MUC17: variants seen among roughly 807,000 people sequenced by gnomAD.
MUC17 encodes mucin-17.
In MUC17, 190 loss-of-function variants were observed where a neutral mutation model predicts 170.3. That is an observed-to-expected ratio of 1.12 (90% CI 0.99 to 1.26). MUC17 has a LOEUF of 1.26. MUC17 is among the 50% of genes most tolerant of loss of function. The pLI, the probability that MUC17 is intolerant of heterozygous loss-of-function variation, is 0.00. For synonymous variants in MUC17, 2,325 were observed against 2,002.5 expected (o/e 1.16, Z -4.30); for missense variants, 6,415 against 5,530.0 (o/e 1.16, Z -5.08).
chr7:101,034,471 G>A lies in MUC17; in HGVS notation c.3055G>A (p.Glu1019Lys). The A allele has an allele frequency of 1.2e-6, 2 of 1,609,296 alleles. No individual in the cohort carries two copies. The highest frequency in any genetic ancestry group is 8.5e-7 in the Non-Finnish European group (1 of 1,177,734). The change falls in exon 3 of 13, where the codon GAA (glutamate) becomes AAA (lysine). Residue 1019 changes from glutamate to lysine, a missense_variant. By Grantham distance (56) the Glu-to-Lys change is moderately conservative. Transcript: ENST00000306151. Reference sequence around the variant, plus strand: ...CAACACTCCTTTGACCACTTCTACTGAAGCCAGTTCACCTCCTCCCACTGC... The same window carrying A: ...CAACACTCCTTTGACCACTTCTACTAAAGCCAGTTCACCTCCTCCCACTGC... ...DSNTPLTTSTEASSPPPTAEG... is the reference protein window; with the variant it reads ...DSNTPLTTSTKASSPPPTAEG...
chr7:101,037,578 GC>G lies in MUC17; in HGVS notation c.6163del (p.Val2056TrpfsTer20). 6.2e-7 allele frequency: 1 copy of G among 1,613,092 alleles called. No individual in the cohort carries two copies. Among genetic ancestry groups the G allele is most frequent in the Non-Finnish European group, 8.5e-7 (1 of 1,179,652 alleles). ...TAGCAGGTATGCCTGTCAGCACTACGCTTGTGGTCAGTTCTGAGGGTAACAC... is the reference window on the plus strand; with the variant it reads ...TAGCAGGTATGCCTGTCAGCACTACGTTGTGGTCAGTTCTGAGGGTAACAC... ...PLAGMPVSTTLVVSSEGNTLS... is the reference protein window; with the variant it reads ...PLAGMPVSTTXVVSSEGNTLS... On this transcript the variant is annotated frameshift_variant, in exon 3 of 13. Coordinates refer to ENST00000306151, the MANE Select transcript of MUC17 (RefSeq NM_001040105.2). LOFTEE classifies it high-confidence loss of function.
At chr7:101,049,924 A>C (rs1043859726) in intron 6 of MUC17, among the ~76,000 whole-genome samples, 1 of 152,146 alleles carries the variant, frequency 6.6e-6, no homozygotes, top group South Asian at 2.1e-4. Context: ...TGAGGCCGGG[A>C]GCACAAGACC....
chr7:101,057,773 G>A (rs1315743624), intron 12 of MUC17, among the ~76,000 whole-genome samples: 1 of 152,156 alleles, frequency 6.6e-6, no homozygotes, highest in Non-Finnish European at 1.5e-5. Flanking sequence ...CTAGCTACTT[G>A]GGAGGCTGAG....
At chr7:101,047,355 C>G (rs777258593) in intron 3 of MUC17, among the ~76,000 whole-genome samples, 1 of 152,154 alleles carries the variant, frequency 6.6e-6, no homozygotes, top group Non-Finnish European at 1.5e-5. Context: ...CCAGGTTTCT[C>G]TTTCTTCACG....
In MUC17 at chr7:101,020,273, G is replaced by C. The variant is rs1382813410; in HGVS notation, c.82+56G>C. 3 of 1,478,484 alleles carry C rather than the reference G, an allele frequency of 2.0e-6. No individual in the cohort carries two copies. In the African/African-American group the frequency reaches 4.2e-5, roughly 21 times the overall value. 91.6% of individuals were successfully genotyped at this position (1,478,484 alleles called of 1,614,324 possible). On this transcript the variant is annotated intron_variant, in intron 1 of 12. Coordinates refer to ENST00000306151, the MANE Select transcript of MUC17 (RefSeq NM_001040105.2). ...AGGCCCCCATCCCAGGGGCCAGCCT[G>C]CTCTGTCTGCCCATCCCCGAGGGAG...
chr7:101,039,587 C>G lies in MUC17; in HGVS notation c.8171C>G (p.Thr2724Ser). ...TTPVDTSTPV[T>S]TSAEASSSPT... ...CCTGTTGACACCAGCACACCTGTCA[C>G]CACTTCTGCTGAAGCCAGTTCTTCT... Residue 2724 changes from threonine to serine, a missense_variant, in exon 3 of 13, where the codon ACC (threonine) becomes AGC (serine). Transcript: ENST00000306151. The G allele has an allele frequency of 3.7e-6, 6 of 1,612,638 alleles. No homozygotes were observed. The highest frequency in any genetic ancestry group is 4.2e-6 in the Non-Finnish European group (5 of 1,179,214).
In MUC17 at chr7:101,043,228, A is replaced by T. The variant is rs1325503561; in HGVS notation, c.11812A>T (p.Thr3938Ser). Residue 3938 changes from threonine (T) to serine (S), a missense_variant, in exon 3 of 13, where the codon ACC (threonine) becomes TCC (serine). Coordinates refer to ENST00000306151, the MANE Select transcript of MUC17 (RefSeq NM_001040105.2). ...VITEGSTPGT[T>S]IFIPSTPVTS... ...CACAGAAGGAAGCACACCTGGGACA[A>T]CCATTTTTATTCCCAGCACTCCTGT... 1 of 1,614,022 alleles carries T rather than the reference A, an allele frequency of 6.2e-7. No homozygotes were observed. The highest frequency in any genetic ancestry group is 8.5e-7 in the Non-Finnish European group (1 of 1,180,034).
At chr7:101,053,579 G>A in intron 11 of MUC17, 143 bp downstream of exon 11, 1 of 602,202 alleles carries the variant, frequency 1.7e-6, no homozygotes, top group Non-Finnish European at 2.9e-6. Flanking sequence ...ATCAGCCTGG[G>A]CAACAACACA....
intron 1 of MUC17, 41 bp downstream of exon 1, chr7:101,020,258 C>T (rs901699547): frequency 2.6e-6 from 4 of 1,535,146 alleles, no homozygotes; most frequent in African/African-American, 1.4e-5. Context: ...AGGCCCCCAT[C>T]CCAGGGGCCA....
chr7:101,043,847 T>C (rs2116461475), intron 3 of MUC17, 28 bp downstream of exon 3: 7 of 1,565,240 alleles, frequency 4.5e-6, no homozygotes, highest in East Asian at 2.3e-5. Flanking sequence ...TTTTCCTTTT[T>C]TTTAAAATTA....
chr7:101,047,076 G>A (rs367637744), intron 3 of MUC17, among the ~76,000 whole-genome samples: 7 of 128,854 alleles, frequency 5.4e-5, no homozygotes, highest in East Asian at 4.2e-4. Context: ...GCAAGACTCC[G>A]TCTCAAAAAA....
chr7:101,037,276 A>G lies in MUC17; in HGVS notation c.5860A>G (p.Arg1954Gly), dbSNP rs763583390. Reference sequence around the variant, plus strand: ...CCTTTCAACAACTCTTGCTGACACCAGGACACCTGTGACCACTTATTCTCA... The same window carrying G: ...CCTTTCAACAACTCTTGCTGACACCGGGACACCTGTGACCACTTATTCTCA... ...NTLSTTLADT[R>G]TPVTTYSQAS... is the part of the protein sequence containing the mutation. Residue 1954 changes from arginine to glycine, a missense_variant, in exon 3 of 13, where the codon AGG becomes GGG. By Grantham distance (125) the Arg-to-Gly change is moderately radical. Coordinates refer to ENST00000306151, the MANE Select transcript of MUC17 (RefSeq NM_001040105.2). 9.3e-6 allele frequency: 15 copies of G among 1,612,208 alleles called. No homozygotes were observed. The highest frequency in any genetic ancestry group is 1.2e-5 in the Non-Finnish European group (14 of 1,178,972).
intron 9 of MUC17, 86 bp downstream of exon 9, chr7:101,052,048 GAGACCAA>G: frequency 3.4e-6 from 5 of 1,486,124 alleles, no homozygotes; most frequent in South Asian, 1.3e-5. Context: ...GCATTGCCTG[GAGACCAA>G]GGTCATGGGA....
At position 101,032,051 on chromosome 7, in the gene MUC17, G is replaced by T. The variant is rs775993341; in HGVS notation, c.635G>T (p.Ser212Ile). The change falls in exon 3 of 13, where the codon AGT becomes ATT. Residue 212 changes from serine to isoleucine, a missense_variant. Physicochemically the swap from Ser to Ile is moderately radical, Grantham distance 142. Coordinates refer to ENST00000306151, the MANE Select transcript of MUC17 (RefSeq NM_001040105.2). ...ESTTIPKSTNSEGSTPLTSMP... is the reference protein window; with the variant it reads ...ESTTIPKSTNIEGSTPLTSMP... The stretch of plus-strand genomic sequence containing the variant: ...ACCACCATACCCAAATCAACTAACA[G>T]TGAAGGAAGCACTCCATTAACAAGT... 2.8e-5 allele frequency: 46 copies of T among 1,614,090 alleles called. No individual in the cohort carries two copies. The highest frequency in any genetic ancestry group is 3.7e-5 in the Non-Finnish European group (44 of 1,180,050).
intron 11 of MUC17, among the ~76,000 whole-genome samples, chr7:101,055,493 TA>T (rs1795029835): frequency 6.6e-6 from 1 of 152,234 alleles, no homozygotes; most frequent in South Asian, 2.1e-4. Context: ...GTTTAATTTG[TA>T]TGCTCTGTTA....
Position 101,033,360 on chromosome 7 carries a change from C to G in MUC17, c.1944C>G (p.Thr648=), listed in dbSNP as rs747199805. ...TTLVASSEAS[T]LSTTPVDSNT... is the part of the protein sequence containing the mutation. ...TGGTGGCCAGTTCTGAGGCTAGCAC[C>G]CTTTCAACAACTCCTGTTGACTCCA... The change falls in exon 3 of 13, where the codon ACC becomes ACG. Residue 648 remains threonine, a synonymous_variant. Transcript: ENST00000306151. 6.2e-7 allele frequency: 1 copy of G among 1,613,736 alleles called. No individual in the cohort carries two copies. The highest frequency in any genetic ancestry group is 2.2e-5 in the East Asian group (1 of 44,886).
chr7:101,023,615 A>C (rs923323581), intron 1 of MUC17, among the ~76,000 whole-genome samples: 3 of 152,094 alleles, frequency 2.0e-5, no homozygotes, highest in Admixed American at 6.6e-5. Flanking sequence ...CATGTTGACC[A>C]GGCTGGTCTC....
chr7:101,034,331 G>A lies in MUC17; in HGVS notation c.2915G>A (p.Ser972Asn). 2 of 1,608,786 alleles carry A rather than the reference G, an allele frequency of 1.2e-6. No individual in the cohort carries two copies. Among genetic ancestry groups the A allele is most frequent in the Non-Finnish European group, 1.7e-6 (2 of 1,177,716 alleles). ...TSSPTTAEGT[S>N]IPTSTPSEGT... ...TCTCCTACAACTGCTGAAGGTACCA[G>A]CATACCAACCTCGACTCCTAGTGAA... The change falls in exon 3 of 13, where the codon AGC becomes AAC. Residue 972 changes from serine (S) to asparagine (N), a missense_variant. Ser to Asn is a conservative substitution (Grantham distance 46). Transcript: ENST00000306151.
chr7:101,051,884 C>T lies in MUC17; in HGVS notation c.13025C>T (p.Pro4342Leu), dbSNP rs1287750719. 9.3e-6 allele frequency: 15 copies of T among 1,614,194 alleles called. No homozygotes were observed. In the East Asian group the frequency reaches 2.5e-4, roughly 26 times the overall value. Residue 4342 changes from proline (P) to leucine (L), a missense_variant, in exon 9 of 13, where the codon CCC becomes CTC. Pro to Leu is a moderately conservative substitution (Grantham distance 98). Coordinates refer to ENST00000306151, the MANE Select transcript of MUC17 (RefSeq NM_001040105.2). Reference protein sequence around the residue: ...YRDQKPYCISPCEPGFSVSKN... With the variant: ...YRDQKPYCISLCEPGFSVSKN... ...GACCAGAAGCCATACTGCATCAGCC[C>T]CTGTGAGCCTGGCTTCAGTGTCTCC... is the stretch of plus-strand genomic sequence containing the variant.
Sources: gnomAD v4.1 joint callset for allele counts (sites outside exome capture counted in the v4.1 genomes callset) on GRCh38, gnomAD v4.1.1 for gene constraint, MANE v1.5 for transcripts, NCBI Gene and HGNC (gene_info 2026-07-23, HGNC 2026-07-21) for gene names.